The following ASPRV1 variants were observed in gnomAD, a reference collection of about 807,000 sequenced individuals.
ASPRV1 encodes aspartic peptidase retroviral like 1.
A neutral mutation model predicts 11.0 loss-of-function variants in ASPRV1; 7 were observed. The observed-to-expected ratio is 0.64, with a 90% CI of 0.36 to 1.20. The LOEUF (loss-of-function observed/expected upper bound fraction) is 1.20. ASPRV1 is among the 50% of genes most tolerant of loss of function. The pLI is 0.02. For missense variants in ASPRV1, 299 were observed against 320.0 expected (o/e 0.93, Z 0.50); for synonymous variants, 136 against 138.4 (o/e 0.98, Z 0.12).
chr2:70,044,964 A>C, the ASPRV1 span, among the ~76,000 whole-genome samples: 1 of 152,208 alleles, frequency 6.6e-6, no homozygotes, highest in Non-Finnish European at 1.5e-5. Context: ...GTGTTTTGAC[A>C]CGTGTGGCCT....
chr2:70,009,728 T>C, the ASPRV1 span, among the ~76,000 whole-genome samples: 3 of 152,218 alleles, frequency 2.0e-5, no homozygotes, highest in Admixed American at 6.5e-5. Context: ...GGCAGACCTT[T>C]GGGAAGCCTA....
the ASPRV1 span, among the ~76,000 whole-genome samples, chr2:69,996,203 C>A: frequency 1.4e-5 from 2 of 142,082 alleles, no homozygotes; most frequent in African/African-American, 5.3e-5. Context: ...TATAGGGAGA[C>A]CCCCATCTCT....
chr2:69,996,837 T>C, the ASPRV1 span: 1 of 429,384 alleles, frequency 2.3e-6, no homozygotes, highest in Non-Finnish European at 4.7e-6. Flanking sequence ...CTGAGAATGC[T>C]GATGGATAAG....
chr2:70,047,836 C>T, the ASPRV1 span, among the ~76,000 whole-genome samples: 23 of 152,148 alleles, frequency 1.5e-4, no homozygotes, highest in African/African-American at 5.3e-4. Flanking sequence ...ATAGGCCAGG[C>T]GTGGTGACTC....
the ASPRV1 span, among the ~76,000 whole-genome samples, chr2:69,977,172 T>TAA: frequency 1.7e-4 from 26 of 149,808 alleles, no homozygotes; most frequent in African/African-American, 2.7e-4. Context: ...TGAGACTCTG[T>TAA]AAAAAAAAAT....
chr2:70,074,580 C>A, the ASPRV1 span, among the ~76,000 whole-genome samples: 1 of 151,408 alleles, frequency 6.6e-6, no homozygotes, highest in African/African-American at 2.4e-5. Context: ...CTGGCCCCAA[C>A]CCCTTTGTTT....
chr2:70,068,771 TAA>T, the ASPRV1 span, among the ~76,000 whole-genome samples: 20 of 129,722 alleles, frequency 1.5e-4, no homozygotes, highest in Admixed American at 3.1e-4. Context: ...GCGTCTCTAC[TAA>T]AAAAAAAAAA....
chr2:70,042,153 T>C, the ASPRV1 span, among the ~76,000 whole-genome samples: 1 of 152,334 alleles, frequency 6.6e-6, no homozygotes, highest in Non-Finnish European at 1.5e-5. Context: ...ATATTCTATT[T>C]CCCTTTTGGA....
the ASPRV1 span, chr2:70,046,910 G>C: frequency 3.3e-5 from 5 of 152,128 alleles, no homozygotes; most frequent in East Asian, 1.9e-4. Context: ...TATTTTGCTA[G>C]GTTTCTTTAT....
At chr2:70,048,360 A>G in the ASPRV1 span, among the ~76,000 whole-genome samples, 1 of 151,872 alleles carries the variant, frequency 6.6e-6, no homozygotes, top group Admixed American at 6.6e-5. Flanking sequence ...GGTTGCAGTG[A>G]GCCGAGATCG....
the ASPRV1 span, among the ~76,000 whole-genome samples, chr2:69,949,286 T>TGAATGAAC: frequency 6.7e-6 from 1 of 148,884 alleles, no homozygotes; most frequent in African/African-American, 2.5e-5. Flanking sequence ...AATGAATGAA[T>TGAATGAAC]GAACGAATGA....
chr2:69,937,889 C>G, the ASPRV1 span, among the ~76,000 whole-genome samples: 8 of 152,324 alleles, frequency 5.3e-5, no homozygotes, highest in African/African-American at 1.9e-4. Flanking sequence ...GCTGGGATTA[C>G]AGGCGTGAGC....
chr2:70,086,303 G>C, the ASPRV1 span: 1 of 152,240 alleles, frequency 6.6e-6, no homozygotes, highest in African/African-American at 2.4e-5. Context: ...CCAAGGGTAA[G>C]GAACAGGGGA....
the ASPRV1 span, among the ~76,000 whole-genome samples, chr2:69,983,032 C>T: frequency 6.6e-6 from 1 of 152,200 alleles, no homozygotes; most frequent in East Asian, 1.9e-4. Context: ...GATTCTCCTG[C>T]TCCAGCCTCC....
the ASPRV1 span, among the ~76,000 whole-genome samples, chr2:70,042,891 A>T: frequency 6.6e-6 from 1 of 152,234 alleles, no homozygotes; most frequent in Non-Finnish European, 1.5e-5. Flanking sequence ...CAGTGAAGCT[A>T]AAAGTCTGGA....
chr2:69,933,604 G>A, the ASPRV1 span, among the ~76,000 whole-genome samples: 1 of 152,136 alleles, frequency 6.6e-6, no homozygotes, highest in Non-Finnish European at 1.5e-5. Flanking sequence ...GGAGAGTTTA[G>A]GACAACTTCC....
the ASPRV1 span, among the ~76,000 whole-genome samples, chr2:70,042,885 G>A: frequency 6.6e-6 from 1 of 152,184 alleles, no homozygotes; most frequent in South Asian, 2.1e-4. Context: ...AGGCCTCAGT[G>A]AAGCTAAAAG....
the ASPRV1 span, chr2:70,018,136 A>AAAAT: frequency 1.3e-5 from 2 of 151,646 alleles, no homozygotes; most frequent in African/African-American, 2.4e-5. Flanking sequence ...CTCCACCTCA[A>AAAAT]AAATAAATAA....
At chr2:69,997,559 T>C in the ASPRV1 span, among the ~76,000 whole-genome samples, 1 of 152,148 alleles carries the variant, frequency 6.6e-6, no homozygotes, top group South Asian at 2.1e-4. Flanking sequence ...ACCTCTCCTG[T>C]CTGCCTCAAG....
Sources: allele counts gnomAD v4.1 joint callset (sites outside exome capture counted in the v4.1 genomes callset), GRCh38; gene constraint gnomAD v4.1.1; transcripts MANE v1.5; gene names NCBI Gene and HGNC (gene_info 2026-07-23, HGNC 2026-07-21).